The following ZNF492 variants were observed in gnomAD, a reference collection of about 807,000 sequenced individuals.
The protein encoded by ZNF492 is zinc finger protein 492.
A neutral mutation model predicts 6.4 loss-of-function variants in ZNF492; 3 were observed. The observed-to-expected ratio is 0.47, with a 90% confidence interval of 0.21 to 1.22. The LOEUF (loss-of-function observed/expected upper bound fraction) is 1.22, where lower values mean the gene tolerates loss of function less well. ZNF492 is among the 50% of genes most tolerant of loss of function. The pLI is 0.22. For synonymous variants in ZNF492, 112 were observed against 205.3 expected (o/e 0.55, Z 3.89); for missense variants, 356 against 612.5 (o/e 0.58, Z 4.42).
In ZNF492 at chr19:22,667,237, A is replaced by G. The variant is rs1395016257; in HGVS notation, c.*1972A>G. 3 of 152,200 alleles carry G rather than the reference A, an allele frequency of 2.0e-5. No homozygotes were observed. Among genetic ancestry groups the G allele is most frequent in the Non-Finnish European group, 2.9e-5 (2 of 68,030 alleles). The allele number at this position is 152,200 out of a possible 1,614,324, so 9.4% of individuals were successfully genotyped here. On this transcript the variant is annotated 3_prime_UTR_variant, in exon 4 of 4. Coordinates refer to ENST00000456783, the MANE Select transcript of ZNF492 (RefSeq NM_020855.3). ...AGTGAGACTCCCTCTCAAAAAATAAATAAGTAAATAAAATAAATGGTGGTA... is the reference window on the plus strand; with the variant it reads ...AGTGAGACTCCCTCTCAAAAAATAAGTAAGTAAATAAAATAAATGGTGGTA...
intron 1 of ZNF492, among the ~76,000 whole-genome samples, chr19:22,637,317 G>T (rs1266627343): frequency 6.6e-6 from 1 of 151,810 alleles, no homozygotes; most frequent in African/African-American, 2.4e-5. Flanking sequence ...TGAAGACAGG[G>T]TCTCACTCTG....
chr19:22,649,609 G>A (rs4414616), intron 1 of ZNF492, among the ~76,000 whole-genome samples: 29,456 of 151,386 alleles, frequency 0.19, 3,713 homozygotes, highest in African/African-American at 0.37. Flanking sequence ...CATATTTCTC[G>A]GAGGCTTTGT....
chr19:22,661,796 A>G (rs758806917), intron 3 of ZNF492, among the ~76,000 whole-genome samples: 5 of 152,022 alleles, frequency 3.3e-5, no homozygotes, highest in South Asian at 2.1e-4. Flanking sequence ...GGGTTTCACT[A>G]TGTTGCCCAG....
intron 1 of ZNF492, among the ~76,000 whole-genome samples, chr19:22,637,801 T>C (rs1971783348): frequency 6.6e-6 from 1 of 152,318 alleles, no homozygotes; most frequent in Non-Finnish European, 1.5e-5. Context: ...ATCGTCACAC[T>C]ACTTTTTATA....
At chr19:22,648,593 G>A (rs1308018362) in intron 1 of ZNF492, among the ~76,000 whole-genome samples, 1 of 152,168 alleles carries the variant, frequency 6.6e-6, no homozygotes, top group Non-Finnish European at 1.5e-5. Context: ...CTCTTTGTAG[G>A]TCTCTAAGAA....
intron 1 of ZNF492, among the ~76,000 whole-genome samples, chr19:22,652,221 C>CTTTTTTTTTTTTTTTCT (rs1971946776): frequency 9.5e-6 from 1 of 105,508 alleles, no homozygotes; most frequent in African/African-American, 5.7e-5. Context: ...CTTTCTTAGG[C>CTTTTTTTTTTTTTTTCT]TTTTTTTTTT....
intron 1 of ZNF492, among the ~76,000 whole-genome samples, chr19:22,644,646 G>A (rs1221844619): frequency 6.6e-6 from 1 of 152,126 alleles, no homozygotes; most frequent in East Asian, 1.9e-4. Flanking sequence ...CATTTGGGTT[G>A]TTTCCATGTC....
intron 1 of ZNF492, among the ~76,000 whole-genome samples, chr19:22,648,997 C>T (rs1444244901): frequency 6.6e-6 from 1 of 152,142 alleles, no homozygotes; most frequent in Non-Finnish European, 1.5e-5. Flanking sequence ...GGTTATTTTG[C>T]ACACTAGTTG....
intron 3 of ZNF492, among the ~76,000 whole-genome samples, chr19:22,658,027 T>G (rs1455308017): frequency 6.6e-6 from 1 of 152,118 alleles, no homozygotes; most frequent in Non-Finnish European, 1.5e-5. Context: ...TGACGGTAAT[T>G]TTTGGAAAGA....
At chr19:22,654,140 C>A in intron 3 of ZNF492, 125 bp downstream of exon 3, 1 of 1,205,484 alleles carries the variant, frequency 8.3e-7, no homozygotes, top group Non-Finnish European at 1.1e-6. Flanking sequence ...TTCTGGGAAG[C>A]CTGAATTTTT....
At position 22,653,955 on chromosome 19, in the gene ZNF492, C is replaced by T; in HGVS notation, c.70C>T (p.Leu24=). Residue 24 remains leucine, a synonymous_variant, in exon 3 of 4, where the codon CTG becomes TTG. Transcript: ENST00000456783. ...CTCTAAGCCAGACCTGATCACCTGT[C>T]TGGAGCAAGGAAAAGAACCTTGGAA... ...AASKPDLITC[L]EQGKEPWNVK... The T allele has an allele frequency of 1.3e-6, 2 of 1,595,500 alleles. No individual in the cohort carries two copies. Among genetic ancestry groups the T allele is most frequent in the East Asian group, 2.2e-5 (1 of 44,576 alleles).
In ZNF492 at chr19:22,639,119, C is replaced by A. The variant is rs527633790; in HGVS notation, c.-94+4645C>A. ...CCTCCCAAAGTGCTGGGACTACAGGCGTGAGCCACTGCGCCTGGCCAATAT... is the reference window on the plus strand; with the variant it reads ...CCTCCCAAAGTGCTGGGACTACAGGAGTGAGCCACTGCGCCTGGCCAATAT... On this transcript the variant is annotated intron_variant, in intron 1 of 3. Transcript: ENST00000456783. Among the ~76,000 whole-genome samples, 20 of 152,142 alleles carry A rather than the reference C, an allele frequency of 1.3e-4. 1 individual carries two copies. In the East Asian group the frequency reaches 3.9e-3, roughly 30 times the overall value.
Position 22,634,325 on chromosome 19 carries a change from T to A in ZNF492, c.-243T>A. 1.2e-6 allele frequency: 1 copy of A among 809,866 alleles called. No homozygotes were observed. The highest frequency in any genetic ancestry group is 1.8e-6 in the Non-Finnish European group (1 of 548,600). 50.2% of individuals were successfully genotyped at this position (809,866 alleles called of 1,614,324 possible). ...GGGCGGCTTCCGGGATGTGGCGGGG[T>A]CTTTGTCTCTCGCTGCAGTCGGAGT... On this transcript the variant is annotated 5_prime_UTR_variant, in exon 1 of 4. Transcript: ENST00000456783.
At chr19:22,650,969 G>T (rs1467438491) in intron 1 of ZNF492, among the ~76,000 whole-genome samples, 1 of 152,194 alleles carries the variant, frequency 6.6e-6, no homozygotes, top group Non-Finnish European at 1.5e-5. Context: ...GCAGGCTTAA[G>T]CAGATTTTAG....
intron 1 of ZNF492, among the ~76,000 whole-genome samples, chr19:22,639,199 T>A (rs1239058448): frequency 1.3e-5 from 2 of 152,188 alleles, no homozygotes; most frequent in South Asian, 2.1e-4. Context: ...GTGTCATCTC[T>A]GACTTCAAGC....
chr19:22,656,179 A>G lies in ZNF492; in HGVS notation c.130+2164A>G, dbSNP rs1457697609. On this transcript the variant is annotated intron_variant, in intron 3 of 3. Transcript: ENST00000456783. ...AGTGAAGATCTTTTGTTGAGCCCCC[A>G]GGGTGATGGGATGTCCTATGGGTTT... 3.6e-4 allele frequency among the ~76,000 whole-genome samples: 53 copies of G among 146,560 alleles called. 2 individuals carry two copies. Among genetic ancestry groups the G allele is most frequent in the Admixed American group, 3.6e-3 (53 of 14,742 alleles).
chr19:22,655,030 C>T (rs890225149), intron 3 of ZNF492, among the ~76,000 whole-genome samples: 1 of 151,706 alleles, frequency 6.6e-6, no homozygotes, highest in African/African-American at 2.4e-5. Flanking sequence ...TGGTGGCTCA[C>T]GCCTGTAATC....
intron 3 of ZNF492, among the ~76,000 whole-genome samples, chr19:22,658,745 C>A (rs1431932551): frequency 7.0e-6 from 1 of 143,160 alleles, no homozygotes; most frequent in Non-Finnish European, 1.5e-5. Context: ...CCGAAATTTG[C>A]CTTGCTTTTA....
In ZNF492 at chr19:22,664,875, T is replaced by C. The variant is rs1245838680; in HGVS notation, c.1206T>C (p.Phe402=). Residue 402 remains phenylalanine, a synonymous_variant, in exon 4 of 4, where the codon TTT becomes TTC. Coordinates refer to ENST00000456783, the MANE Select transcript of ZNF492 (RefSeq NM_020855.3). ...PYKCEECGKA[F]NLSSQLTTHK... Reference sequence around the variant, plus strand: ...AATGTGAAGAATGTGGCAAAGCTTTTAACCTATCGTCACAACTTACTACAC... The same window carrying C: ...AATGTGAAGAATGTGGCAAAGCTTTCAACCTATCGTCACAACTTACTACAC... The C allele has an allele frequency of 6.2e-7, 1 of 1,610,414 alleles. No homozygotes were observed. The highest frequency in any genetic ancestry group is 2.2e-5 in the East Asian group (1 of 44,842).
Sources: gnomAD v4.1 joint callset for allele counts (sites outside exome capture counted in the v4.1 genomes callset) on GRCh38, gnomAD v4.1.1 for gene constraint, MANE v1.5 for transcripts, NCBI Gene and HGNC (gene_info 2026-07-23, HGNC 2026-07-21) for gene names.